HAVCR2: variants seen among roughly 807,000 people sequenced by gnomAD.
The protein encoded by HAVCR2 is T cell immunoglobulin mucin 3.
A neutral mutation model predicts 24.7 loss-of-function variants in HAVCR2; 13 were observed. That is an observed-to-expected ratio of 0.53 (90% CI 0.34 to 0.84). HAVCR2 has a LOEUF of 0.84. Among genes scored for constraint, HAVCR2 ranks in the 40% least tolerant of loss-of-function variants. The probability of loss-of-function intolerance (pLI) is 0.01; values close to 1 mark genes in which losing one functional copy is unlikely to be tolerated. For synonymous variants in HAVCR2, 154 were observed against 143.4 expected, an observed-to-expected ratio of 1.07 and a Z score of -0.53; for missense variants, 343 against 371.2, an observed-to-expected ratio of 0.92 and a Z score of 0.62.
At position 157,087,123 on chromosome 5, in the gene HAVCR2, A is replaced by G. The variant is rs768744150; in HGVS notation, c.885T>C (p.Gly295=). 1.7e-5 allele frequency: 27 copies of G among 1,613,166 alleles called. No individual in the cohort carries two copies. The Admixed American group carries it at 1.7e-4, about 10-fold the overall frequency. ...SSRQQPSQPL[G]CRFAMP is the part of the protein sequence containing the mutation. ...GGATCTATGGCATTGCAAAGCGACA[A>G]CCCAAAGGTTGTGAGGGTTGCTGCC... is the stretch of plus-strand genomic sequence containing the variant. Residue 295 remains glycine, a synonymous_variant, in exon 7 of 7, where the codon GGT becomes GGC. Transcript: ENST00000307851.
Sources: gnomAD v4.1 joint callset for allele counts on GRCh38, gnomAD v4.1.1 for gene constraint, MANE v1.5 for transcripts, NCBI Gene and HGNC (gene_info 2026-07-23, HGNC 2026-07-21) for gene names.